The following MYOZ1 variants were observed in gnomAD, a reference collection of about 807,000 sequenced individuals.
The protein encoded by MYOZ1 is myozenin-1.
A neutral mutation model predicts 28.7 loss-of-function variants in MYOZ1; 20 were observed. The observed-to-expected ratio is 0.70, with a 90% confidence interval of 0.49 to 1.01. The LOEUF (loss-of-function observed/expected upper bound fraction) is 1.01. Among genes scored for constraint, MYOZ1 ranks in the 50% least tolerant of loss-of-function variants. The pLI is 0.00. For missense variants in MYOZ1, 371 were observed against 372.4 expected, an observed-to-expected ratio of 1.00 and a Z score of 0.03; for synonymous variants, 144 against 145.8, an observed-to-expected ratio of 0.99 and a Z score of 0.09.
rs192073687 is a variant in MYOZ1 at position 73,638,707 on chromosome 10, C to G, written c.74-785G>C. On this transcript the variant is annotated intron_variant, in intron 2 of 5. Transcript: ENST00000359322. ...ATTGAGTCAGAGACTTGCTCTGTCT[C>G]CCAGGCTGAAGTGCAATGGCGCGAT... 2.2e-5 allele frequency among the ~76,000 whole-genome samples: 3 copies of G among 137,896 alleles called. No homozygotes were observed. The East Asian group carries it at 6.8e-4, about 31-fold the overall frequency. 90.5% of individuals were successfully genotyped at this position (137,896 alleles called of 152,430 possible).
At position 73,632,098 on chromosome 10, in the gene MYOZ1, C is replaced by G. The variant is rs1364703626; in HGVS notation, c.732G>C (p.Lys244Asn). 1.9e-6 allele frequency: 3 copies of G among 1,614,168 alleles called. No homozygotes were observed. The highest frequency in any genetic ancestry group is 2.5e-6 in the Non-Finnish European group (3 of 1,180,042). ...CACTCAGCAAGGGCCCCAGGTCAAA[C>G]TTGGGCATCTGGAAGGTCATGCGTT... ...ASKRMTFQMP[K>N]FDLGPLLSEP... The change falls in exon 6 of 6, where the codon AAG becomes AAC. Residue 244 changes from lysine to asparagine, a missense_variant. Coordinates refer to ENST00000359322, the MANE Select transcript of MYOZ1 (RefSeq NM_021245.4).
At chr10:73,635,220 A>G (rs1464209983) in intron 3 of MYOZ1, among the ~76,000 whole-genome samples, 1 of 151,774 alleles carries the variant, frequency 6.6e-6, no homozygotes, top group Non-Finnish European at 1.5e-5. Flanking sequence ...CACCGCACCC[A>G]GCCCGAATTA....
intron 3 of MYOZ1, 29 bp downstream of exon 3, chr10:73,637,715 T>G: frequency 6.3e-7 from 1 of 1,590,632 alleles, no homozygotes; most frequent in Non-Finnish European, 8.6e-7. Context: ...GCACCAGGCT[T>G]TGAGATAGTG....
At position 73,634,611 on chromosome 10, in the gene MYOZ1, T is replaced by A. The variant is rs776467896; in HGVS notation, c.375A>T (p.Gly125=). ...GSQAGGSGSA[G]QYGSDQQHHL... ...GGTGCTGCTGATCAGAGCCATACTG[T>A]CCGGCAGAGCCACTGCCCCCTGCCT... is the stretch of plus-strand genomic sequence containing the variant. Residue 125 remains glycine, a synonymous_variant, in exon 4 of 6, where the codon GGA becomes GGT. Coordinates refer to ENST00000359322, the MANE Select transcript of MYOZ1 (RefSeq NM_021245.4). 18 of 1,614,136 alleles carry A rather than the reference T, an allele frequency of 1.1e-5. No individual in the cohort carries two copies. The highest frequency in any genetic ancestry group is 1.5e-5 in the Non-Finnish European group (18 of 1,180,016).
At chr10:73,636,158 G>C (rs1028597977) in intron 3 of MYOZ1, among the ~76,000 whole-genome samples, 2 of 152,152 alleles carry the variant, frequency 1.3e-5, no homozygotes, top group Non-Finnish European at 2.9e-5. Context: ...CTCAGAGAGG[G>C]TGGAGGAGGA....
intron 5 of MYOZ1, among the ~76,000 whole-genome samples, chr10:73,632,827 A>T (rs2081642941): frequency 6.6e-6 from 1 of 151,376 alleles, no homozygotes; most frequent in African/African-American, 2.4e-5. Flanking sequence ...CCCTCTCTCC[A>T]ACCCTAGTGG....
At chr10:73,639,888 T>C in intron 2 of MYOZ1, 57 bp downstream of exon 2, 1 of 1,539,488 alleles carries the variant, frequency 6.5e-7, no homozygotes, top group Non-Finnish European at 9.0e-7. Flanking sequence ...TCTGGGACTC[T>C]TGGTTTAGGG....
chr10:73,639,208 C>T (rs1002371672), intron 2 of MYOZ1, among the ~76,000 whole-genome samples: 1 of 151,818 alleles, frequency 6.6e-6, no homozygotes, highest in Admixed American at 6.6e-5. Flanking sequence ...CGGCAGCCTC[C>T]ACCTCCCGGG....
intron 3 of MYOZ1, among the ~76,000 whole-genome samples, chr10:73,634,953 T>C (rs974200166): frequency 2.6e-5 from 4 of 152,194 alleles, no homozygotes; most frequent in African/African-American, 9.7e-5. Flanking sequence ...AGACAGAGTT[T>C]CGCCCTTGTT....
chr10:73,632,621 C>G (rs1272117970), intron 5 of MYOZ1, among the ~76,000 whole-genome samples: 2 of 150,454 alleles, frequency 1.3e-5, no homozygotes, highest in Non-Finnish European at 3.0e-5. Flanking sequence ...AAACACCCCC[C>G]CCCCAAAAAA....
chr10:73,632,250 A>C, intron 5 of MYOZ1, 89 bp from the exon 6 acceptor site: 3 of 1,201,050 alleles, frequency 2.5e-6, no homozygotes, highest in Non-Finnish European at 3.6e-6. Context: ...AGAATAGGGA[A>C]GTCTGTGAAT....
chr10:73,640,320 T>G (rs2081696269), intron 1 of MYOZ1, among the ~76,000 whole-genome samples: 1 of 152,116 alleles, frequency 6.6e-6, no homozygotes, highest in South Asian at 2.1e-4. Flanking sequence ...TGGCTAATTT[T>G]TGTATTTTTT....
intron 3 of MYOZ1, among the ~76,000 whole-genome samples, chr10:73,636,650 C>T (rs1257883178): frequency 6.6e-6 from 1 of 151,950 alleles, no homozygotes; most frequent in Non-Finnish European, 1.5e-5. Flanking sequence ...GAAACAGAGT[C>T]TTGCCATGTT....
intron 2 of MYOZ1, 80 bp from the exon 3 acceptor site, chr10:73,638,002 C>T (rs2081678220): frequency 5.3e-6 from 7 of 1,323,020 alleles, no homozygotes; most frequent in Non-Finnish European, 2.1e-6. Flanking sequence ...ACCTCATCCA[C>T]AACTAAGTGT....
At position 73,631,899 on chromosome 10, in the gene MYOZ1, G is replaced by C; in HGVS notation, c.*31C>G. The stretch of plus-strand genomic sequence containing the variant: ...CCTCTCCAAATTGGAGCCAGAGAGG[G>C]GAAATGATGCAAATCAGAGGAGGAA... On this transcript the variant is annotated 3_prime_UTR_variant, in exon 6 of 6. Coordinates refer to ENST00000359322, the MANE Select transcript of MYOZ1 (RefSeq NM_021245.4). 1 of 1,586,542 alleles carries C rather than the reference G, an allele frequency of 6.3e-7. No homozygotes were observed.
At chr10:73,634,199 G>A (rs1352225070) in intron 4 of MYOZ1, 134 bp from the exon 5 acceptor site, 1 of 1,131,206 alleles carries the variant, frequency 8.8e-7, no homozygotes, top group African/African-American at 1.6e-5. Flanking sequence ...AATTGTATAA[G>A]GTTTGTGGCA....
intron 2 of MYOZ1, among the ~76,000 whole-genome samples, chr10:73,639,043 G>A (rs2081687350): frequency 6.7e-6 from 1 of 148,708 alleles, no homozygotes; most frequent in African/African-American, 2.5e-5. Context: ...CTGGGCTCAA[G>A]TGGTCCTCTC....
intron 3 of MYOZ1, among the ~76,000 whole-genome samples, chr10:73,637,170 G>A (rs999536990): frequency 4.0e-5 from 6 of 151,382 alleles, no homozygotes; most frequent in Admixed American, 2.6e-4. Flanking sequence ...CCACGACCAC[G>A]CCCAGCTAAT....
At chr10:73,634,371 T>A (rs1465566768) in intron 4 of MYOZ1, 113 bp downstream of exon 4, 2 of 1,203,514 alleles carry the variant, frequency 1.7e-6, no homozygotes, top group East Asian at 5.3e-5. Flanking sequence ...TTATATTTAA[T>A]ATTAAGATAT....
Sources: gnomAD v4.1 joint callset for allele counts (sites outside exome capture counted in the v4.1 genomes callset) on GRCh38, gnomAD v4.1.1 for gene constraint, MANE v1.5 for transcripts, NCBI Gene and HGNC (gene_info 2026-07-23, HGNC 2026-07-21) for gene names.